Variants in CIMAP3 observed in about 807,000 individuals in gnomAD.
CIMAP3 encodes ciliary microtubule associated protein 3, also known as ciliary microtubule-associated protein 3.
At chr1:111,335,127 C>CAAAAAAAAAAAAAAAAAAAA in the CIMAP3 span, among the ~76,000 whole-genome samples, 1 of 29,318 alleles carries the variant, frequency 3.4e-5, no homozygotes, top group Non-Finnish European at 6.1e-5. Context: ...GTCTCTGTCT[C>CAAAAAAAAAAAAAAAAAAAA]AAAAAAAAAA....
chr1:111,341,960 T>C, the CIMAP3 span, among the ~76,000 whole-genome samples: 1 of 152,076 alleles, frequency 6.6e-6, no homozygotes, highest in African/African-American at 2.4e-5. Flanking sequence ...CTAAGAATTA[T>C]TGGTGTTCAA....
chr1:111,325,973 AC>A, the CIMAP3 span, among the ~76,000 whole-genome samples: 3 of 152,192 alleles, frequency 2.0e-5, no homozygotes, highest in South Asian at 6.2e-4. Context: ...TAGACAAATT[AC>A]AAGCCATTGA....
the CIMAP3 span, chr1:111,348,573 A>C: frequency 5.0e-6 from 8 of 1,612,720 alleles, no homozygotes; most frequent in Middle Eastern, 6.6e-4. Context: ...GGAAAAACAC[A>C]AACAAAATTT....
the CIMAP3 span, among the ~76,000 whole-genome samples, chr1:111,332,511 C>G: frequency 6.6e-6 from 1 of 152,096 alleles, no homozygotes; most frequent in South Asian, 2.1e-4. Flanking sequence ...GACAGTAGAC[C>G]ACAGGGATGT....
the CIMAP3 span, chr1:111,351,469 C>A: frequency 1.6e-6 from 1 of 622,054 alleles, no homozygotes; most frequent in South Asian, 2.4e-5. Flanking sequence ...CTTATAGCTG[C>A]TGTATGAGAA....
chr1:111,348,424 A>G, the CIMAP3 span: 1 of 1,260,044 alleles, frequency 7.9e-7, no homozygotes. Context: ...ATGAACAGAA[A>G]GAGGATGATT....
the CIMAP3 span, among the ~76,000 whole-genome samples, chr1:111,345,984 T>C: frequency 1.3e-5 from 2 of 152,110 alleles, no homozygotes; most frequent in Non-Finnish European, 1.5e-5. Flanking sequence ...ATGAGAAAAC[T>C]GGGGCTTAGA....
the CIMAP3 span, among the ~76,000 whole-genome samples, chr1:111,338,581 C>T: frequency 3.3e-4 from 50 of 152,250 alleles, no homozygotes; most frequent in African/African-American, 1.1e-3. Context: ...AACACCTCTA[C>T]ACAAATAAAC....
At chr1:111,340,494 G>A in the CIMAP3 span, among the ~76,000 whole-genome samples, 11 of 150,626 alleles carry the variant, frequency 7.3e-5, no homozygotes, top group South Asian at 1.0e-3. Context: ...TACAATGAAC[G>A]CAAACAAATT....
chr1:111,348,158 A>T, the CIMAP3 span, among the ~76,000 whole-genome samples: 2 of 152,144 alleles, frequency 1.3e-5, no homozygotes, highest in Admixed American at 6.5e-5. Flanking sequence ...TCAGTAGGGG[A>T]TCCTAATCTC....
chr1:111,350,515 A>G, the CIMAP3 span, among the ~76,000 whole-genome samples: 2 of 152,240 alleles, frequency 1.3e-5, no homozygotes, highest in African/African-American at 4.8e-5. Flanking sequence ...ATAGAGGCCC[A>G]GATGGATTAA....
the CIMAP3 span, among the ~76,000 whole-genome samples, chr1:111,332,162 G>A: frequency 6.6e-6 from 1 of 152,230 alleles, no homozygotes; most frequent in Non-Finnish European, 1.5e-5. Context: ...CTGGCTAGTA[G>A]AATGGGCATG....
chr1:111,348,401 C>T, the CIMAP3 span: 1 of 1,137,988 alleles, frequency 8.8e-7, no homozygotes, highest in Middle Eastern at 2.2e-4. Context: ...GGTGGCTGAA[C>T]CATAGCTGAT....
At chr1:111,325,600 A>G in the CIMAP3 span, among the ~76,000 whole-genome samples, 1 of 152,232 alleles carries the variant, frequency 6.6e-6, no homozygotes, top group African/African-American at 2.4e-5. Context: ...TAATTCATGG[A>G]TAACATAACC....
At chr1:111,349,023 C>T in the CIMAP3 span, 1 of 162,024 alleles carries the variant, frequency 6.2e-6, no homozygotes, top group East Asian at 1.8e-4. Flanking sequence ...CAAACGATGA[C>T]ACTTCTGAGA....
the CIMAP3 span, among the ~76,000 whole-genome samples, chr1:111,330,580 C>A: frequency 6.6e-6 from 1 of 152,196 alleles, no homozygotes; most frequent in Non-Finnish European, 1.5e-5. Flanking sequence ...GCAGCATTTT[C>A]TTTTTCAATG....
the CIMAP3 span, among the ~76,000 whole-genome samples, chr1:111,343,201 C>T: frequency 3.3e-5 from 5 of 152,102 alleles, no homozygotes; most frequent in Non-Finnish European, 5.9e-5. Context: ...TGGTAATCAG[C>T]TTTTCCTCTG....
At chr1:111,330,449 G>A in the CIMAP3 span, among the ~76,000 whole-genome samples, 29 of 152,314 alleles carry the variant, frequency 1.9e-4, no homozygotes, top group East Asian at 1.5e-3. Flanking sequence ...AGGGAGGCTC[G>A]TTAGTGAGGT....
the CIMAP3 span, chr1:111,324,912 G>A: frequency 0.01 from 10,026 of 963,418 alleles, 71 homozygotes; most frequent in South Asian, 0.032. Context: ...TTGGACTCTA[G>A]TAGATGTATG....
Sources: allele counts gnomAD v4.1 joint callset (sites outside exome capture counted in the v4.1 genomes callset), GRCh38; gene constraint gnomAD v4.1.1; transcripts MANE v1.5; gene names NCBI Gene and HGNC (gene_info 2026-07-23, HGNC 2026-07-21).